CRB1: variants seen among roughly 807,000 people sequenced by gnomAD.
CRB1 encodes crumbs cell polarity complex component 1.
In CRB1, 83 loss-of-function variants were observed where a neutral mutation model predicts 120.0. The observed-to-expected ratio is 0.69, with a 90% CI of 0.58 to 0.83. The LOEUF (loss-of-function observed/expected upper bound fraction) is 0.83. Ranked by LOEUF, CRB1 falls within the 40% of genes least tolerant of loss-of-function variation. The probability of loss-of-function intolerance (pLI) is 0.00; values close to 1 mark genes in which losing one functional copy is unlikely to be tolerated. For synonymous variants in CRB1, 625 were observed against 612.5 expected, an observed-to-expected ratio of 1.02 and a Z score of -0.30; for missense variants, 1,699 against 1,687.6, an observed-to-expected ratio of 1.01 and a Z score of -0.12.
the CRB1 span, among the ~76,000 whole-genome samples, chr1:197,220,101 T>G: frequency 6.6e-6 from 1 of 152,222 alleles, no homozygotes; most frequent in Non-Finnish European, 1.5e-5. Context: ...AGTCATCCTC[T>G]TTCTTTATTC....
Position 197,477,775 on chromosome 1 carries a change from A to G in CRB1, c.4117A>G (p.Arg1373Gly). Residue 1373 changes from arginine (R) to glycine (G), a missense_variant, in exon 12 of 12, where the codon AGG (arginine) becomes GGG (glycine). By Grantham distance (125) the Arg-to-Gly change is moderately radical. Coordinates refer to ENST00000367400, the MANE Select transcript of CRB1 (RefSeq NM_201253.3). ...IVASVVTSNKRATQGTYSPSR... is the reference protein window; with the variant it reads ...IVASVVTSNKGATQGTYSPSR... ...TGCTTCTGTTGTCACCTCCAACAAAAGGGCAACTCAGGGAACCTACAGCCC... is the reference window on the plus strand; with the variant it reads ...TGCTTCTGTTGTCACCTCCAACAAAGGGGCAACTCAGGGAACCTACAGCCC... The G allele has an allele frequency of 6.2e-7, 1 of 1,613,884 alleles. No homozygotes were observed. The highest frequency in any genetic ancestry group is 8.5e-7 in the Non-Finnish European group (1 of 1,179,858).
intron 11 of CRB1, among the ~76,000 whole-genome samples, chr1:197,476,761 A>T (rs1193107815): frequency 1.3e-5 from 2 of 152,148 alleles, no homozygotes; most frequent in African/African-American, 4.8e-5. Flanking sequence ...GAGAAAGCTA[A>T]ATAAGAAGGT....
At chr1:197,268,575 A>G (rs1654730642) in intron 1 of CRB1, 93 bp downstream of exon 1, 1 of 1,015,034 alleles carries the variant, frequency 9.9e-7, no homozygotes, top group Non-Finnish European at 1.5e-6. Context: ...GTTCTATAAA[A>G]TACAATGCTA....
intron 8 of CRB1, among the ~76,000 whole-genome samples, chr1:197,433,097 T>C (rs976941481): frequency 1.7e-4 from 26 of 151,738 alleles, no homozygotes; most frequent in African/African-American, 6.3e-4. Context: ...GGTCTTATTA[T>C]GTTGCCCAGG....
the CRB1 span, among the ~76,000 whole-genome samples, chr1:197,230,027 A>C: frequency 6.6e-6 from 1 of 152,212 alleles, no homozygotes; most frequent in Non-Finnish European, 1.5e-5. Context: ...GTTCAGCACT[A>C]CACTAAGTGC....
intron 1 of CRB1, among the ~76,000 whole-genome samples, chr1:197,308,794 CA>C (rs1342074392): frequency 1.3e-5 from 2 of 150,944 alleles, no homozygotes; most frequent in South Asian, 4.2e-4. Flanking sequence ...TAGCATTTCA[CA>C]ATATAATAAA....
chr1:197,387,822 A>G (rs79972907), intron 5 of CRB1, among the ~76,000 whole-genome samples: 8,362 of 152,042 alleles, frequency 0.055, 735 homozygotes, highest in African/African-American at 0.19. Flanking sequence ...GGAAAAAAAC[A>G]CAAAAGCGTG....
chr1:197,431,125 C>A (rs1362425168), intron 8 of CRB1, among the ~76,000 whole-genome samples: 1 of 151,802 alleles, frequency 6.6e-6, no homozygotes, highest in Admixed American at 6.6e-5. Flanking sequence ...TGGAATGGAA[C>A]TAGAGGATAG....
At chr1:197,205,264 G>A in the CRB1 span, among the ~76,000 whole-genome samples, 1 of 152,130 alleles carries the variant, frequency 6.6e-6, no homozygotes, top group Non-Finnish European at 1.5e-5. Flanking sequence ...GATTGTTCTG[G>A]CTCAGACTTC....
In CRB1 at chr1:197,420,988, A is replaced by G. The variant is rs146175509; in HGVS notation, c.1172-12A>G. 1.5e-4 allele frequency: 220 copies of G among 1,459,450 alleles called. 2 individuals carry two copies. In the East Asian group the frequency reaches 4.9e-3, roughly 32 times the overall value. The allele number at this position is 1,459,450 out of a possible 1,614,324, so 90.4% of individuals were successfully genotyped here. ...ATATATATAATTTTAGCCCTTTTTT[A>G]TTATTTAACAGGAATCCACTGCGAA... On this transcript the variant is annotated splice_polypyrimidine_tract_variant and intron_variant, in intron 5 of 11. Transcript: ENST00000367400.
intron 5 of CRB1, among the ~76,000 whole-genome samples, chr1:197,414,238 A>C (rs114787759): frequency 2.0e-5 from 3 of 152,284 alleles, no homozygotes; most frequent in African/African-American, 7.2e-5. Flanking sequence ...ACAGATCAAG[A>C]TGAAACTTCC....
chr1:197,429,007 T>C (rs1292921479), intron 7 of CRB1: 2 of 1,525,836 alleles, frequency 1.3e-6, no homozygotes, highest in African/African-American at 1.4e-5. Flanking sequence ...ACTCACTGAG[T>C]TGGGATCCAG....
chr1:197,397,466 T>C (rs781271801), intron 5 of CRB1, among the ~76,000 whole-genome samples: 29 of 152,124 alleles, frequency 1.9e-4, no homozygotes, highest in Non-Finnish European at 3.4e-4. Flanking sequence ...TTCATACATA[T>C]TACCCATGAG....
At chr1:197,466,961 T>C (rs1037295622) in intron 11 of CRB1, among the ~76,000 whole-genome samples, 1 of 152,058 alleles carries the variant, frequency 6.6e-6, no homozygotes, top group Non-Finnish European at 1.5e-5. Flanking sequence ...GGGCCAAATA[T>C]GTGAGGAAAC....
At chr1:197,286,983 A>T (rs374723808) in intron 1 of CRB1, among the ~76,000 whole-genome samples, 3 of 152,034 alleles carry the variant, frequency 2.0e-5, no homozygotes, top group South Asian at 4.1e-4. Flanking sequence ...AAAAGTTCAT[A>T]ACAGAAGTTC....
intron 1 of CRB1, among the ~76,000 whole-genome samples, chr1:197,314,520 G>GAAATC (rs1657731189): frequency 6.6e-6 from 1 of 152,020 alleles, no homozygotes; most frequent in East Asian, 1.9e-4. Flanking sequence ...TTGATTATAG[G>GAAATC]TTAGATCTAA....
chr1:197,355,782 A>AC, intron 4 of CRB1, among the ~76,000 whole-genome samples: 1 of 150,736 alleles, frequency 6.6e-6, no homozygotes, highest in South Asian at 2.1e-4. Flanking sequence ...GTCCCTCCAC[A>AC]CCTCCCCGCA....
rs1665467014 is a variant in CRB1 at position 197,442,018 on chromosome 1, C to T, written c.3879-148C>T. 1.2e-5 allele frequency: 11 copies of T among 908,868 alleles called. No individual in the cohort carries two copies. In the South Asian group the frequency reaches 1.6e-4, roughly 13 times the overall value. 56.3% of individuals were successfully genotyped at this position (908,868 alleles called of 1,614,324 possible). A position where few individuals can be genotyped will look rare whatever the true frequency, so the allele number is the denominator to read the frequency against. On this transcript the variant is annotated intron_variant, in intron 10 of 11. Transcript: ENST00000367400. ...GTTAAAGAAATTTTAAGAAACATCT[C>T]CGACATTATCAAGTATGTATAAAGT...
the CRB1 span, among the ~76,000 whole-genome samples, chr1:197,250,012 C>T: frequency 6.6e-6 from 1 of 152,004 alleles, no homozygotes; most frequent in African/African-American, 2.4e-5. Flanking sequence ...TCCTGCTTCT[C>T]TTTTGCCATA....
Sources: gnomAD v4.1 joint callset for allele counts (sites outside exome capture counted in the v4.1 genomes callset) on GRCh38, gnomAD v4.1.1 for gene constraint, MANE v1.5 for transcripts, NCBI Gene and HGNC (gene_info 2026-07-23, HGNC 2026-07-21) for gene names.